The following NPAT variants were observed in gnomAD, a reference collection of about 807,000 sequenced individuals.
The protein encoded by NPAT is nuclear protein, coactivator of histone transcription.
A neutral mutation model predicts 130.7 loss-of-function variants in NPAT; 52 were observed. The ratio of observed to expected loss-of-function variants is 0.40; its 90% CI spans 0.32 to 0.50. The LOEUF is 0.50. Ranked by LOEUF, NPAT falls within the 20% of genes least tolerant of loss-of-function variation. The pLI is 0.68. For synonymous variants in NPAT, 580 were observed against 584.8 expected (o/e 0.99, Z 0.12); for missense variants, 1,687 against 1,662.6 (o/e 1.01, Z -0.26).
At chr11:108,163,249 T>A (rs1350289889) in intron 15 of NPAT, among the ~76,000 whole-genome samples, 2 of 152,010 alleles carry the variant, frequency 1.3e-5, no homozygotes, top group Non-Finnish European at 2.9e-5. Flanking sequence ...CTGGCTAATT[T>A]TTGTATTTTT....
chr11:108,179,956 C>T (rs2078044320), intron 10 of NPAT, among the ~76,000 whole-genome samples: 1 of 152,118 alleles, frequency 6.6e-6, no homozygotes, highest in African/African-American at 2.4e-5. Flanking sequence ...TCAAAGAACA[C>T]AAAGTGAAAG....
At chr11:108,221,965 C>T (rs2078510994) in intron 1 of NPAT, among the ~76,000 whole-genome samples, 2 of 152,118 alleles carry the variant, frequency 1.3e-5, no homozygotes, top group African/African-American at 4.8e-5. Context: ...CATTTCACAC[C>T]TCTACACTGG....
At position 108,173,699 on chromosome 11, in the gene NPAT, T is replaced by TAAA; in HGVS notation, c.1282_1284dup (p.Phe428dup). On this transcript the variant is annotated inframe_insertion, in exon 13 of 18. Transcript: ENST00000278612. ...TTCTGTTCAGTGGGTACAGCTGTTT[T>TAAA]AAAGGCCTTTTTCTGTATGCTGGTA... 6.2e-7 allele frequency: 1 copy of TAAA among 1,614,180 alleles called. No individual in the cohort carries two copies. Among genetic ancestry groups the TAAA allele is most frequent in the East Asian group, 2.2e-5 (1 of 44,878 alleles).
intron 1 of NPAT, among the ~76,000 whole-genome samples, chr11:108,220,807 G>A (rs536938410): frequency 9.9e-5 from 15 of 152,206 alleles, no homozygotes; most frequent in Non-Finnish European, 1.8e-4. Context: ...AAAAGGTATA[G>A]TGTGAAAGCT....
chr11:108,165,180 G>C (rs1201026220), intron 15 of NPAT, among the ~76,000 whole-genome samples: 1 of 152,016 alleles, frequency 6.6e-6, no homozygotes, highest in Non-Finnish European at 1.5e-5. Flanking sequence ...TAAAAATCTG[G>C]TGTTATTTTG....
At chr11:108,193,492 G>A (rs1198638732) in intron 3 of NPAT, among the ~76,000 whole-genome samples, 1 of 152,156 alleles carries the variant, frequency 6.6e-6, no homozygotes, top group Non-Finnish European at 1.5e-5. Context: ...TTGGGAGGCC[G>A]AGGTGGGTGG....
At chr11:108,201,052 T>C (rs1028833945) in intron 1 of NPAT, among the ~76,000 whole-genome samples, 1 of 152,224 alleles carries the variant, frequency 6.6e-6, no homozygotes, top group South Asian at 2.1e-4. Context: ...AATATGTAGA[T>C]GACATTCTCC....
At chr11:108,183,017 G>A (rs1046574910) in intron 10 of NPAT, among the ~76,000 whole-genome samples, 24 of 152,184 alleles carry the variant, frequency 1.6e-4, no homozygotes, top group Non-Finnish European at 1.8e-4. Flanking sequence ...GTCTTGCTCT[G>A]TTGTCCAGGC....
intron 11 of NPAT, among the ~76,000 whole-genome samples, chr11:108,176,739 C>G (rs534992669): frequency 6.6e-6 from 1 of 152,206 alleles, no homozygotes; most frequent in African/African-American, 2.4e-5. Context: ...TAGTGGTAGA[C>G]ATCAACACAT....
intron 11 of NPAT, 82 bp from the exon 12 acceptor site, chr11:108,176,456 G>A (rs188538715): frequency 2.3e-4 from 240 of 1,055,682 alleles, no homozygotes; most frequent in Middle Eastern, 1.7e-3. Context: ...TGGTGATTAC[G>A]CAAATGTTAA....
intron 6 of NPAT, 43 bp from the exon 7 acceptor site, chr11:108,188,222 T>G: frequency 7.1e-7 from 1 of 1,413,020 alleles, no homozygotes; most frequent in Non-Finnish European, 1.0e-6. Context: ...AGAAACTGAA[T>G]AGTTTTCTAA....
At chr11:108,179,547 A>G (rs1382789209) in intron 10 of NPAT, among the ~76,000 whole-genome samples, 1 of 152,232 alleles carries the variant, frequency 6.6e-6, no homozygotes, top group Non-Finnish European at 1.5e-5. Flanking sequence ...GACTCATATT[A>G]TACTTTGAAG....
chr11:108,195,763 G>GT (rs1279583786), intron 2 of NPAT, among the ~76,000 whole-genome samples: 1 of 152,080 alleles, frequency 6.6e-6, no homozygotes, highest in African/African-American at 2.4e-5. Flanking sequence ...AAGCAGCTGG[G>GT]ACTAAGTGCA....
At chr11:108,215,377 G>T (rs1318624152) in intron 1 of NPAT, among the ~76,000 whole-genome samples, 1 of 152,176 alleles carries the variant, frequency 6.6e-6, no homozygotes, top group Non-Finnish European at 1.5e-5. Context: ...CCTATTGGAG[G>T]TGAAGGGTGG....
At chr11:108,210,772 A>G (rs1224321630) in intron 1 of NPAT, among the ~76,000 whole-genome samples, 2 of 152,250 alleles carry the variant, frequency 1.3e-5, no homozygotes, top group African/African-American at 4.8e-5. Context: ...TCACTGGTGA[A>G]TTCTACAAAA....
At chr11:108,206,152 G>C (rs1394175704) in intron 1 of NPAT, among the ~76,000 whole-genome samples, 3 of 152,208 alleles carry the variant, frequency 2.0e-5, no homozygotes, top group Admixed American at 1.3e-4. Context: ...AACAATATGG[G>C]CATATAATGT....
At chr11:108,199,407 C>T (rs1185392135) in intron 1 of NPAT, among the ~76,000 whole-genome samples, 2 of 152,180 alleles carry the variant, frequency 1.3e-5, no homozygotes, top group Non-Finnish European at 2.9e-5. Context: ...TAGAGGCGAG[C>T]GAGGCCCAGG....
chr11:108,189,387 T>C (rs1189395937), intron 5 of NPAT, 57 bp from the exon 6 acceptor site: 7 of 1,497,734 alleles, frequency 4.7e-6, no homozygotes, highest in Non-Finnish European at 6.5e-6. Context: ...TTGGGAATTG[T>C]AAGAAGTCAA....
rs1051521 is a variant in NPAT at position 108,173,789 on chromosome 11, A to C, written c.1195T>G (p.Leu399Val). ...SYQNDDPLNA[L>V]KNSNNHDVLR... The stretch of plus-strand genomic sequence containing the variant: ...ACATCATGGTTGTTGCTATTCTTCA[A>C]AGCATTTAATGGGTCATCATTCTGA... Residue 399 changes from leucine (L) to valine (V), a missense_variant, in exon 13 of 18, where the codon TTG becomes GTG. Around this residue, in one of 3 missense-constraint regions of NPAT, gnomAD observed 1,379 missense variants for 1,346.6 expected, o/e 1.02. Transcript: ENST00000278612. The C allele has an allele frequency of 6.2e-7, 1 of 1,614,064 alleles. No individual in the cohort carries two copies.
Sources: allele counts gnomAD v4.1 joint callset (sites outside exome capture counted in the v4.1 genomes callset), GRCh38; gene constraint gnomAD v4.1.1; regional missense constraint gnomAD v4.1.1; transcripts MANE v1.5; gene names NCBI Gene and HGNC (gene_info 2026-07-23, HGNC 2026-07-21).